Variants in NSG1 observed in about 807,000 individuals in gnomAD.
The protein encoded by NSG1 is neuronal vesicle trafficking associated 1, also known as neuronal vesicle trafficking-associated protein 1.
A neutral mutation model predicts 19.3 loss-of-function variants in NSG1; 9 were observed. That is an observed-to-expected ratio of 0.47 (90% CI 0.28 to 0.81). NSG1 has a LOEUF of 0.81. Ranked by LOEUF, NSG1 falls within the 40% of genes least tolerant of loss-of-function variation. The pLI, the probability that NSG1 is intolerant of heterozygous loss-of-function variation, is 0.11. For missense variants in NSG1, 236 were observed against 242.4 expected, an observed-to-expected ratio of 0.97 and a Z score of 0.18; for synonymous variants, 104 against 107.0, an observed-to-expected ratio of 0.97 and a Z score of 0.17.
chr4:4,391,260 A>G (rs1283516429), intron 2 of NSG1, among the ~76,000 whole-genome samples: 1 of 152,094 alleles, frequency 6.6e-6, no homozygotes, highest in East Asian at 1.9e-4. Context: ...CGGTTATAAT[A>G]TTTCCCTCCT....
At chr4:4,391,768 T>C (rs1280983691) in intron 3 of NSG1, among the ~76,000 whole-genome samples, 177 bp downstream of exon 3, 1 of 152,244 alleles carries the variant, frequency 6.6e-6, no homozygotes, top group African/African-American at 2.4e-5. Flanking sequence ...GTGCTTTTTG[T>C]ACATTTCTTT....
intron 3 of NSG1, among the ~76,000 whole-genome samples, chr4:4,399,617 C>G (rs1469575592): frequency 1.3e-5 from 2 of 152,102 alleles, no homozygotes; most frequent in Non-Finnish European, 2.9e-5. Context: ...TAAACAAAAT[C>G]TTACATTTTT....
intron 4 of NSG1, among the ~76,000 whole-genome samples, chr4:4,410,096 A>G (rs1382601926): frequency 6.6e-6 from 1 of 152,160 alleles, no homozygotes; most frequent in East Asian, 1.9e-4. Context: ...GGGGGAAGCC[A>G]AGTCCCACAG....
intron 3 of NSG1, among the ~76,000 whole-genome samples, chr4:4,408,078 G>T (rs903822546): frequency 6.6e-6 from 1 of 152,168 alleles, no homozygotes; most frequent in African/African-American, 2.4e-5. Flanking sequence ...TCCTATCACA[G>T]ATGGGAACTG....
rs374011207 is a variant in NSG1, at chr4:4,408,196, C to G, written c.247-1377C>G. Among the ~76,000 whole-genome samples, 25 of 152,214 alleles carry G rather than the reference C, an allele frequency of 1.6e-4. No individual in the cohort carries two copies. The South Asian group carries it at 5.0e-3, about 30-fold the overall frequency. On this transcript the variant is annotated intron_variant, in intron 3 of 4. Coordinates refer to ENST00000621129, the MANE Select transcript of NSG1 (RefSeq NM_014392.5). ...ACCCAGTTGAGCTTCGGGACTGCAGCCTTAGGAAGCAGCAGAGCTCCCCAG... is the reference window on the plus strand; with the variant it reads ...ACCCAGTTGAGCTTCGGGACTGCAGGCTTAGGAAGCAGCAGAGCTCCCCAG...
At chr4:4,402,940 G>C (rs1052405427) in intron 3 of NSG1, among the ~76,000 whole-genome samples, 1 of 152,242 alleles carries the variant, frequency 6.6e-6, no homozygotes, top group Non-Finnish European at 1.5e-5. Context: ...TCCCAGGCGA[G>C]ATCATTTGCT....
intron 3 of NSG1, among the ~76,000 whole-genome samples, chr4:4,403,644 G>T (rs35894961): frequency 0.63 from 95,603 of 152,062 alleles, 33,803 homozygotes; most frequent in East Asian, 0.93. Context: ...TACATTTCCG[G>T]GAGTAGGACC....
At chr4:4,387,564 GTCTT>G in intron 1 of NSG1, 36 bp from the exon 2 acceptor site, 68 of 1,279,174 alleles carry the variant, frequency 5.3e-5, no homozygotes, top group Middle Eastern at 2.3e-4. Flanking sequence ...CCCGCCCCGG[GTCTT>G]GCTTGTGGTG....
intron 3 of NSG1, among the ~76,000 whole-genome samples, chr4:4,407,804 G>C (rs895004190): frequency 1.3e-5 from 2 of 152,156 alleles, no homozygotes; most frequent in Non-Finnish European, 2.9e-5. Flanking sequence ...GCTCAGAGAG[G>C]TTAAGGGGCT....
chr4:4,399,149 G>A (rs75274536), intron 3 of NSG1, among the ~76,000 whole-genome samples: 5 of 151,912 alleles, frequency 3.3e-5, no homozygotes, highest in African/African-American at 1.2e-4. Context: ...TGTTTTTATT[G>A]TTGTTGTTTT....
At chr4:4,412,008 G>A (rs1024693033) in intron 4 of NSG1, among the ~76,000 whole-genome samples, 1 of 152,198 alleles carries the variant, frequency 6.6e-6, no homozygotes, top group Non-Finnish European at 1.5e-5. Flanking sequence ...TGACAGTGCA[G>A]GGGGTGTGTG....
chr4:4,393,686 G>C (rs1232716625), intron 3 of NSG1, among the ~76,000 whole-genome samples: 2 of 152,190 alleles, frequency 1.3e-5, no homozygotes, highest in African/African-American at 4.8e-5. Context: ...TGAAGGGGTG[G>C]CATCGGCCCC....
intron 3 of NSG1, among the ~76,000 whole-genome samples, chr4:4,408,281 G>A (rs780504141): frequency 8.5e-5 from 13 of 152,082 alleles, no homozygotes; most frequent in South Asian, 2.1e-4. Flanking sequence ...CCAGCCCCTC[G>A]CATCCTCCAG....
intron 4 of NSG1, among the ~76,000 whole-genome samples, chr4:4,416,616 G>A (rs566020511): frequency 2.0e-5 from 3 of 152,258 alleles, no homozygotes; most frequent in African/African-American, 4.8e-5. Context: ...GCCAGAATCC[G>A]CTTCCTGATA....
At chr4:4,402,545 A>G (rs13149746) in intron 3 of NSG1, among the ~76,000 whole-genome samples, 125,029 of 151,448 alleles carry the variant, frequency 0.83, 51,814 homozygotes, top group East Asian at 0.96. Context: ...CCGCCACTAC[A>G]CCCGGCTAAT....
At position 4,409,690 on chromosome 4, in the gene NSG1, C is replaced by G; in HGVS notation, c.357+7C>G. The G allele has an allele frequency of 6.2e-7, 1 of 1,609,066 alleles. No homozygotes were observed. The highest frequency in any genetic ancestry group is 8.5e-7 in the Non-Finnish European group (1 of 1,175,400). Reference sequence around the variant, plus strand: ...CGATGGGTTCGTCCTCAAGGTAAAACTCCGTTTTCCCCCAGAGGCCCTGGG... The same window carrying G: ...CGATGGGTTCGTCCTCAAGGTAAAAGTCCGTTTTCCCCCAGAGGCCCTGGG... On this transcript the variant is annotated splice_region_variant and intron_variant, in intron 4 of 4. Transcript: ENST00000621129.
At chr4:4,407,184 C>G (rs1269283330) in intron 3 of NSG1, among the ~76,000 whole-genome samples, 1 of 152,192 alleles carries the variant, frequency 6.6e-6, no homozygotes, top group African/African-American at 2.4e-5. Flanking sequence ...AGGGTGATGG[C>G]CCTGAGAAGG....
chr4:4,391,157 C>A (rs1016981493), intron 2 of NSG1, among the ~76,000 whole-genome samples: 16 of 152,210 alleles, frequency 1.1e-4, no homozygotes, highest in African/African-American at 3.6e-4. Context: ...GTGGAAGGAG[C>A]ACTGGGTTAG....
At chr4:4,391,251 G>A (rs182093311) in intron 2 of NSG1, among the ~76,000 whole-genome samples, 212 of 152,322 alleles carry the variant, frequency 1.4e-3, no homozygotes, top group Admixed American at 2.9e-3. Context: ...TGTGCCCCTC[G>A]GTTATAATAT....
Sources: allele counts gnomAD v4.1 joint callset (sites outside exome capture counted in the v4.1 genomes callset), GRCh38; gene constraint gnomAD v4.1.1; transcripts MANE v1.5; gene names NCBI Gene and HGNC (gene_info 2026-07-23, HGNC 2026-07-21).